The following C3orf70 variants were observed in gnomAD, a reference collection of about 807,000 sequenced individuals.
The protein encoded by C3orf70 is chromosome 3 open reading frame 70, also known as UPF0524 protein C3orf70.
Under a neutral mutation model 20.7 loss-of-function variants are expected in C3orf70, and 15 were observed. The ratio of observed to expected loss-of-function variants is 0.72; its 90% CI spans 0.48 to 1.11. The LOEUF (loss-of-function observed/expected upper bound fraction) is 1.11, where lower values mean the gene tolerates loss of function less well. Among genes scored for constraint, C3orf70 ranks in the 50% most tolerant of loss-of-function variants. C3orf70 has a pLI of 0.00. For synonymous variants in C3orf70, 161 were observed against 125.7 expected (o/e 1.28, Z -1.88); for missense variants, 332 against 317.6 (o/e 1.05, Z -0.34).
chr3:185,088,201 G>GCGCCC (rs1715497611), intron 1 of C3orf70, among the ~76,000 whole-genome samples: 1 of 152,148 alleles, frequency 6.6e-6, no homozygotes, highest in African/African-American at 2.4e-5. Context: ...GTGAGCCACT[G>GCGCCC]TGCCCGGCTA....
intron 1 of C3orf70, among the ~76,000 whole-genome samples, chr3:185,096,406 T>A (rs1364276030): frequency 6.6e-6 from 1 of 152,196 alleles, no homozygotes; most frequent in Non-Finnish European, 1.5e-5. Context: ...TTGTAAAATC[T>A]ATAAAGGGAG....
chr3:185,129,246 C>T (rs1448767875), intron 1 of C3orf70, among the ~76,000 whole-genome samples: 1 of 152,130 alleles, frequency 6.6e-6, no homozygotes, highest in African/African-American at 2.4e-5. Context: ...CTCTAAAAGT[C>T]CACAGTGTCT....
At chr3:185,136,848 C>T (rs889335482) in intron 1 of C3orf70, among the ~76,000 whole-genome samples, 4 of 150,052 alleles carry the variant, frequency 2.7e-5, no homozygotes, top group African/African-American at 4.9e-5. Flanking sequence ...AGGTGGAGGT[C>T]GCAGTGAGCC....
At chr3:185,148,133 T>A (rs1398535400) in intron 1 of C3orf70, among the ~76,000 whole-genome samples, 1 of 152,254 alleles carries the variant, frequency 6.6e-6, no homozygotes, top group African/African-American at 2.4e-5. Flanking sequence ...CTTCTCACGC[T>A]ACAGTCTCTC....
At chr3:185,096,689 C>T (rs967373936) in intron 1 of C3orf70, among the ~76,000 whole-genome samples, 2 of 152,124 alleles carry the variant, frequency 1.3e-5, no homozygotes, top group Non-Finnish European at 2.9e-5. Context: ...AGCCATGCAC[C>T]CAGAACGTGT....
At chr3:185,113,931 G>A (rs1172724972) in intron 1 of C3orf70, among the ~76,000 whole-genome samples, 3 of 152,192 alleles carry the variant, frequency 2.0e-5, no homozygotes, top group Non-Finnish European at 2.9e-5. Context: ...CGGGCGTGGT[G>A]GCTCACGCCT....
In C3orf70 at chr3:185,078,340, A is replaced by T. The variant is rs756284019; in HGVS notation, c.*4667T>A. ...CGCTTTGAGAAGTGTTCAGGCTACT[A>T]AGAGAACACTGCTTCAACCTTAATC... On this transcript the variant is annotated 3_prime_UTR_variant, in exon 2 of 2. Coordinates refer to ENST00000335012, the MANE Select transcript of C3orf70 (RefSeq NM_001025266.3). The T allele has an allele frequency of 1.8e-4, 27 of 152,630 alleles. No homozygotes were observed. The highest frequency in any genetic ancestry group is 5.3e-4 in the African/African-American group (22 of 41,592). 9.5% of individuals were successfully genotyped at this position (152,630 alleles called of 1,614,324 possible). A position where few individuals can be genotyped will look rare whatever the true frequency, so the allele number is the denominator to read the frequency against.
chr3:185,142,939 C>CAA (rs981788550), intron 1 of C3orf70, among the ~76,000 whole-genome samples: 2 of 150,150 alleles, frequency 1.3e-5, no homozygotes, highest in Non-Finnish European at 3.0e-5. Context: ...TTCAAGTCAT[C>CAA]AAAAAAAAAG....
chr3:185,128,880 T>C (rs190720023), intron 1 of C3orf70, among the ~76,000 whole-genome samples: 1 of 152,286 alleles, frequency 6.6e-6, no homozygotes, highest in East Asian at 1.9e-4. Context: ...TCTAGAGAAC[T>C]TAGAGGTAAT....
intron 1 of C3orf70, among the ~76,000 whole-genome samples, chr3:185,086,959 T>C (rs1277629288): frequency 6.6e-6 from 1 of 152,170 alleles, no homozygotes; most frequent in African/African-American, 2.4e-5. Context: ...GGGTTAGTGC[T>C]TTGCTCCAGT....
In C3orf70 at chr3:185,135,308, T is replaced by A. The variant is rs548063996; in HGVS notation, c.196+17320A>T. 3.3e-5 allele frequency among the ~76,000 whole-genome samples: 5 copies of A among 152,136 alleles called. No individual in the cohort carries two copies. In the South Asian group the frequency reaches 1.0e-3, roughly 32 times the overall value. On this transcript the variant is annotated intron_variant, in intron 1 of 1. Transcript: ENST00000335012. ...GTAGAAAGCCTCAGAAAAGAAATAA[T>A]CTTGGCAAAGACAAGAAGTATAAAG...
rs974700514 is a variant in C3orf70, at chr3:185,080,259, A to C, written c.*2748T>G. On this transcript the variant is annotated 3_prime_UTR_variant, in exon 2 of 2. Transcript: ENST00000335012. ...AATTATAAAGAGATTGTGCAAATAC[A>C]TAAGGTGATTATCAACTATTATTAA... is the stretch of plus-strand genomic sequence containing the variant. 2.0e-5 allele frequency: 3 copies of C among 152,674 alleles called. No individual in the cohort carries two copies. The highest frequency in any genetic ancestry group is 6.5e-5 in the Admixed American group (1 of 15,290). The allele number at this position is 152,674 out of a possible 1,614,324, so 9.5% of individuals were successfully genotyped here. A position where few individuals can be genotyped will look rare whatever the true frequency, so the allele number is the denominator to read the frequency against.
At chr3:185,083,620 G>A in intron 1 of C3orf70, 57 bp from the exon 2 acceptor site, 2 of 1,427,288 alleles carry the variant, frequency 1.4e-6, no homozygotes, top group Non-Finnish European at 1.9e-6. Flanking sequence ...TATTAACATG[G>A]CCATAATGGT....
chr3:185,146,362 G>A (rs11919546), intron 1 of C3orf70, among the ~76,000 whole-genome samples: 18,903 of 139,106 alleles, frequency 0.14, 1,721 homozygotes, highest in African/African-American at 0.27. Context: ...ATCTTGGCTC[G>A]CTGCAACCTC....
At chr3:185,107,364 A>G (rs916373063) in intron 1 of C3orf70, among the ~76,000 whole-genome samples, 2 of 152,228 alleles carry the variant, frequency 1.3e-5, no homozygotes, top group African/African-American at 4.8e-5. Flanking sequence ...ACAAGTTCTA[A>G]TTCCAGAACA....
Position 185,080,933 on chromosome 3 carries a change from C to T in C3orf70, c.*2074G>A, listed in dbSNP as rs1715322693. ...TCTCATTTAGCATAGAAAGTTTTAA[C>T]TCATACTGTTTGCAAAGGAAAATGT... is the stretch of plus-strand genomic sequence containing the variant. On this transcript the variant is annotated 3_prime_UTR_variant, in exon 2 of 2. Coordinates refer to ENST00000335012, the MANE Select transcript of C3orf70 (RefSeq NM_001025266.3). The T allele has an allele frequency of 6.6e-6, 1 of 152,170 alleles. No individual in the cohort carries two copies. Among genetic ancestry groups the T allele is most frequent in the African/African-American group, 2.4e-5 (1 of 41,436 alleles). The allele number at this position is 152,170 out of a possible 1,614,324, so 9.4% of individuals were successfully genotyped here.
At chr3:185,140,181 C>T (rs541478901) in intron 1 of C3orf70, among the ~76,000 whole-genome samples, 27 of 152,164 alleles carry the variant, frequency 1.8e-4, no homozygotes, top group Non-Finnish European at 3.4e-4. Flanking sequence ...CCCAGTCATA[C>T]GTGGACTCAT....
intron 1 of C3orf70, among the ~76,000 whole-genome samples, chr3:185,115,134 G>A (rs1716149600): frequency 6.8e-6 from 1 of 147,918 alleles, no homozygotes; most frequent in South Asian, 2.1e-4. Flanking sequence ...CACGGTCTGG[G>A]ATGGTACTCT....
chr3:185,082,066 C>T lies in C3orf70; in HGVS notation c.*941G>A, dbSNP rs1361862836. 6.6e-6 allele frequency: 1 copy of T among 152,070 alleles called. No homozygotes were observed. The highest frequency in any genetic ancestry group is 1.9e-4 in the East Asian group (1 of 5,194). 9.4% of individuals were successfully genotyped at this position (152,070 alleles called of 1,614,324 possible). ...CTAAATGTGATACCTATATAACTTC[C>T]TAAGAGTTTTTCCCAGACTTGAAGA... On this transcript the variant is annotated 3_prime_UTR_variant, in exon 2 of 2. Transcript: ENST00000335012.
Sources: gnomAD v4.1 joint callset for allele counts (sites outside exome capture counted in the v4.1 genomes callset) on GRCh38, gnomAD v4.1.1 for gene constraint, MANE v1.5 for transcripts, NCBI Gene and HGNC (gene_info 2026-07-23, HGNC 2026-07-21) for gene names.